HYDIN: variants seen among roughly 807,000 people sequenced by gnomAD.
HYDIN encodes HYDIN axonemal central pair apparatus protein, also known as axonemal central pair apparatus protein HYDIN.
In HYDIN, 132 loss-of-function variants were observed where a neutral mutation model predicts 403.9. The ratio of observed to expected loss-of-function variants is 0.33; its 90% CI spans 0.28 to 0.38. The LOEUF is 0.38. Among genes scored for constraint, HYDIN ranks in the 10% least tolerant of loss-of-function variants. HYDIN has a pLI of 1.00. For missense variants in HYDIN, 2,827 were observed against 5,009.5 expected, an observed-to-expected ratio of 0.56 and a Z score of 13.15; for synonymous variants, 1,202 against 1,891.7, an observed-to-expected ratio of 0.64 and a Z score of 9.46.
At chr16:70,955,234 G>T (rs2078196552) in intron 40 of HYDIN, 141 bp downstream of exon 40, 1 of 474,492 alleles carries the variant, frequency 2.1e-6, no homozygotes, top group South Asian at 3.1e-5. Context: ...TCTCCTCTGG[G>T]CTATGAAGTT....
At chr16:71,186,282 T>C (rs554360071) in intron 2 of HYDIN, among the ~76,000 whole-genome samples, 25 of 152,284 alleles carry the variant, frequency 1.6e-4, no homozygotes, top group Admixed American at 6.5e-4. Context: ...GCTATAAATA[T>C]GTTTTATTTT....
chr16:70,855,988 G>T (rs1351757033), intron 72 of HYDIN, among the ~76,000 whole-genome samples: 1 of 151,620 alleles, frequency 6.6e-6, no homozygotes, highest in African/African-American at 2.4e-5. Context: ...ATTGGAACTT[G>T]ATTAAATTTG....
chr16:71,209,353 G>A (rs1273345832), intron 1 of HYDIN, among the ~76,000 whole-genome samples: 1 of 151,724 alleles, frequency 6.6e-6, no homozygotes, highest in African/African-American at 2.4e-5. Flanking sequence ...ATCCCTTCAT[G>A]TTGAAAACCA....
intron 18 of HYDIN, among the ~76,000 whole-genome samples, chr16:71,047,975 C>A (rs1041009867): frequency 6.7e-6 from 1 of 150,102 alleles, no homozygotes; most frequent in Non-Finnish European, 1.5e-5. Context: ...TGTTAACCAA[C>A]CTCTCCTTTC....
intron 5 of HYDIN, among the ~76,000 whole-genome samples, chr16:71,172,762 C>T (rs1212048206): frequency 6.6e-6 from 1 of 152,122 alleles, no homozygotes; most frequent in Non-Finnish European, 1.5e-5. Flanking sequence ...CATATCTTAC[C>T]ATCCAGATGT....
intron 1 of HYDIN, among the ~76,000 whole-genome samples, chr16:71,202,529 C>T (rs1021816831): frequency 3.3e-5 from 5 of 152,102 alleles, no homozygotes; most frequent in Admixed American, 1.3e-4. Context: ...TTCTTAGTGA[C>T]TTCTTTATGA....
At chr16:71,199,684 C>G (rs2087888308) in intron 1 of HYDIN, among the ~76,000 whole-genome samples, 1 of 152,136 alleles carries the variant, frequency 6.6e-6, no homozygotes, top group Admixed American at 6.5e-5. Context: ...ACCTAGCCTA[C>G]CATTATCAGA....
chr16:70,964,411 C>T (rs1233438140), intron 37 of HYDIN, among the ~76,000 whole-genome samples: 23 of 151,310 alleles, frequency 1.5e-4, no homozygotes, highest in Admixed American at 4.0e-4. Flanking sequence ...GGCCTCTCTG[C>T]GCTTCAGTTT....
At chr16:70,875,371 G>A (rs1284301588) in intron 62 of HYDIN, among the ~76,000 whole-genome samples, 1 of 152,100 alleles carries the variant, frequency 6.6e-6, no homozygotes, top group Non-Finnish European at 1.5e-5. Flanking sequence ...GTCATGTTGA[G>A]CATCCTACCA....
At chr16:70,842,646 T>C (rs557886226) in intron 75 of HYDIN, among the ~76,000 whole-genome samples, 3 of 151,956 alleles carry the variant, frequency 2.0e-5, no homozygotes, top group Admixed American at 6.6e-5. Context: ...AGACAGCACA[T>C]AGTTGGATCA....
chr16:71,154,271 A>T (rs1300920927), intron 6 of HYDIN, among the ~76,000 whole-genome samples: 1 of 151,610 alleles, frequency 6.6e-6, no homozygotes, highest in African/African-American at 2.4e-5. Flanking sequence ...TTAAAAAAAA[A>T]TTTACTTTTT....
chr16:70,850,285 A>C (rs568172470), intron 74 of HYDIN, among the ~76,000 whole-genome samples, 163 bp downstream of exon 74: 9 of 147,396 alleles, frequency 6.1e-5, no homozygotes, highest in Non-Finnish European at 1.2e-4. Context: ...CATTCACATC[A>C]TATCTACATA....
chr16:70,954,343 C>T (rs1454992267), intron 40 of HYDIN, among the ~76,000 whole-genome samples: 1 of 121,146 alleles, frequency 8.3e-6, no homozygotes, highest in East Asian at 2.4e-4. Flanking sequence ...TCTGTAATCC[C>T]AGCTACTCTG....
At chr16:71,070,819 G>C (rs1029476013) in intron 13 of HYDIN, among the ~76,000 whole-genome samples, 1 of 118,636 alleles carries the variant, frequency 8.4e-6, no homozygotes, top group Middle Eastern at 3.6e-3. Flanking sequence ...GTTGCTGTCG[G>C]GGCTATTTTG....
At chr16:71,069,977 G>A (rs1267769221) in intron 13 of HYDIN, among the ~76,000 whole-genome samples, 1 of 152,244 alleles carries the variant, frequency 6.6e-6, no homozygotes, top group Non-Finnish European at 1.5e-5. Flanking sequence ...GTGACCCAGA[G>A]CTTGCCAAGA....
rs1597554761 is a variant in HYDIN, at chr16:71,017,223, A to C, written c.3644+906T>G. On this transcript the variant is annotated intron_variant, in intron 23 of 85. Transcript: ENST00000393567. ...AAAATTGCCAGGCGTGGTGGCAGGC[A>C]CCTGTAATCCCAGCTACTTGGGAGG... Among the ~76,000 whole-genome samples the C allele has an allele frequency of 2.7e-5, 4 of 150,140 alleles. No individual in the cohort carries two copies. The South Asian group carries it at 8.5e-4, about 32-fold the overall frequency.
chr16:70,891,096 C>G (rs1211346502), intron 57 of HYDIN, among the ~76,000 whole-genome samples: 3 of 152,042 alleles, frequency 2.0e-5, no homozygotes, highest in African/African-American at 7.2e-5. Flanking sequence ...ATGATATATT[C>G]TACAGGAAAT....
At chr16:70,943,446 T>C (rs1314356578) in intron 42 of HYDIN, among the ~76,000 whole-genome samples, 2 of 152,200 alleles carry the variant, frequency 1.3e-5, no homozygotes, top group African/African-American at 4.8e-5. Flanking sequence ...CAGTATTTCC[T>C]AGTTACTTCT....
chr16:70,856,012 G>C (rs1431243360), intron 72 of HYDIN, among the ~76,000 whole-genome samples: 1 of 150,494 alleles, frequency 6.6e-6, no homozygotes, highest in Non-Finnish European at 1.5e-5. Context: ...TTAATTTTAG[G>C]ACAACTAACA....
Sources: allele counts gnomAD v4.1 joint callset (sites outside exome capture counted in the v4.1 genomes callset), GRCh38; gene constraint gnomAD v4.1.1; transcripts MANE v1.5; gene names NCBI Gene and HGNC (gene_info 2026-07-23, HGNC 2026-07-21).